STK31: variants seen among roughly 807,000 people sequenced by gnomAD.
STK31 encodes the protein serine/threonine kinase 31, also known as serine/threonine-protein kinase 31.
A neutral mutation model predicts 129.7 loss-of-function variants in STK31; 89 were observed. The ratio of observed to expected loss-of-function variants is 0.69; its 90% CI spans 0.58 to 0.82. STK31 has a LOEUF of 0.82. Ranked by LOEUF, STK31 falls within the 40% of genes least tolerant of loss-of-function variation. The pLI, the probability that STK31 is intolerant of heterozygous loss-of-function variation, is 0.00. For missense variants in STK31, 1,187 were observed against 1,176.4 expected, an observed-to-expected ratio of 1.01 and a Z score of -0.13; for synonymous variants, 448 against 395.3, an observed-to-expected ratio of 1.13 and a Z score of -1.58.
Position 23,815,130 on chromosome 7 carries a change from A to T in STK31, c.2761-14A>T, listed in dbSNP as rs776631414. The T allele has an allele frequency of 1.0e-5, 16 of 1,589,866 alleles. No homozygotes were observed. Among genetic ancestry groups the T allele is most frequent in the African/African-American group, 6.8e-5 (5 of 73,650 alleles). The stretch of plus-strand genomic sequence containing the variant: ...ATACATTGGACATTTATTCATTCTT[A>T]CTTTCTTTCACAGCTTTCTGTTCAA... On this transcript the variant is annotated splice_polypyrimidine_tract_variant and intron_variant, in intron 22 of 23. Coordinates refer to ENST00000355870, the MANE Select transcript of STK31 (RefSeq NM_031414.5).
chr7:23,740,175 C>G (rs1254591472), intron 8 of STK31, among the ~76,000 whole-genome samples: 2 of 152,132 alleles, frequency 1.3e-5, no homozygotes, highest in Non-Finnish European at 2.9e-5. Context: ...CTTCTGGGCT[C>G]AAGCAATCCT....
intron 3 of STK31, among the ~76,000 whole-genome samples, chr7:23,715,063 A>G (rs1010424971): frequency 2.6e-5 from 4 of 152,372 alleles, no homozygotes; most frequent in African/African-American, 9.6e-5. Context: ...TACTAATGGT[A>G]TATAAATGAA....
rs1183711756 is a variant in STK31, at chr7:23,783,744, A to T, written c.2148+81A>T. The T allele has an allele frequency of 2.7e-6, 3 of 1,120,186 alleles. No homozygotes were observed. In the Admixed American group the frequency reaches 7.1e-5, roughly 27 times the overall value. The allele number at this position is 1,120,186 out of a possible 1,614,324, so 69.4% of individuals were successfully genotyped here. A position where few individuals can be genotyped will look rare whatever the true frequency, so the allele number is the denominator to read the frequency against. ...AATATTAAATTTGTGTCAGTGTTAA[A>T]CTTATAGTATCTTTTAAATAAAAAT... On this transcript the variant is annotated intron_variant, in intron 17 of 23. Coordinates refer to ENST00000355870, the MANE Select transcript of STK31 (RefSeq NM_031414.5).
In STK31 at chr7:23,714,906, T is replaced by C. The variant is rs575806160; in HGVS notation, c.151-2575T>C. Among the ~76,000 whole-genome samples the C allele has an allele frequency of 5.9e-5, 9 of 152,154 alleles. No homozygotes were observed. The East Asian group carries it at 1.7e-3, about 29-fold the overall frequency. On this transcript the variant is annotated intron_variant, in intron 3 of 23. Transcript: ENST00000355870. Reference sequence around the variant, plus strand: ...CAGCCATAGACATAATGTGAATGAGTGTGTGTAGCTGTGATGCAGTAAACT... The same window carrying C: ...CAGCCATAGACATAATGTGAATGAGCGTGTGTAGCTGTGATGCAGTAAACT...
intron 3 of STK31, among the ~76,000 whole-genome samples, chr7:23,715,728 A>G (rs1355338022): frequency 6.6e-6 from 1 of 152,172 alleles, no homozygotes; most frequent in Non-Finnish European, 1.5e-5. Flanking sequence ...TTCCTGTTCT[A>G]TGCTGAGACT....
chr7:23,734,199 T>C (rs10272642), intron 6 of STK31, among the ~76,000 whole-genome samples: 76,921 of 152,008 alleles, frequency 0.51, 19,947 homozygotes, highest in Admixed American at 0.58. Context: ...TATTGTTTTT[T>C]GTATTTATAG....
chr7:23,717,305 C>T (rs1241504389), intron 3 of STK31, among the ~76,000 whole-genome samples, 176 bp from the exon 4 acceptor site: 2 of 151,334 alleles, frequency 1.3e-5, no homozygotes, highest in Non-Finnish European at 2.9e-5. Flanking sequence ...TTTCTATGGC[C>T]TAGTCTCATT....
chr7:23,763,252 G>C (rs1789586888), intron 11 of STK31, among the ~76,000 whole-genome samples: 1 of 152,126 alleles, frequency 6.6e-6, no homozygotes, highest in South Asian at 2.1e-4. Flanking sequence ...AGGACCACAT[G>C]TTACAGGGAG....
chr7:23,762,979 G>A (rs1423256979), intron 11 of STK31, 56 bp downstream of exon 11: 2 of 1,417,996 alleles, frequency 1.4e-6, no homozygotes, highest in African/African-American at 1.5e-5. Flanking sequence ...TTTAAGAAGT[G>A]AAATTAGCAT....
At chr7:23,736,643 G>T (rs1171719018) in intron 7 of STK31, among the ~76,000 whole-genome samples, 1 of 151,916 alleles carries the variant, frequency 6.6e-6, no homozygotes, top group African/African-American at 2.4e-5. Context: ...TTTTTACTTT[G>T]TTCTCTGTAG....
rs7779633 is a variant in STK31 at position 23,712,117 on chromosome 7, A to C, written c.69A>C (p.Gln23His). 1 of 1,604,806 alleles carries C rather than the reference A, an allele frequency of 6.2e-7. No homozygotes were observed. Residue 23 changes from glutamine to histidine, a missense_variant, in exon 2 of 24, where the codon CAA (glutamine) becomes CAC (histidine). This residue lies in a region of STK31 where 104 missense variants were observed against 98.3 expected (regional missense o/e 1.06). Coordinates refer to ENST00000355870, the MANE Select transcript of STK31 (RefSeq NM_031414.5). ...GTTCTAGTTTTTCAGGAATTGTTCA[A>C]ATGGATGAAGATACACATTACGATA... is the stretch of plus-strand genomic sequence containing the variant. ...TESVSFSGIVQMDEDTHYDKV... is the reference protein window; with the variant it reads ...TESVSFSGIVHMDEDTHYDKV...
chr7:23,797,874 T>C (rs1400687861), intron 22 of STK31, among the ~76,000 whole-genome samples: 6 of 151,470 alleles, frequency 4.0e-5, no homozygotes, highest in East Asian at 1.9e-4. Flanking sequence ...GCCAGACTAA[T>C]AAAGAAGAAT....
chr7:23,717,097 CTTTTT>C (rs70956911), intron 3 of STK31, among the ~76,000 whole-genome samples: 25 of 42,954 alleles, frequency 5.8e-4, no homozygotes, highest in East Asian at 2.1e-3. Flanking sequence ...TCGCAACCTG[CTTTTT>C]TTTTTTTTTT....
chr7:23,732,354 T>G (rs1159053030), intron 6 of STK31, among the ~76,000 whole-genome samples: 1 of 152,152 alleles, frequency 6.6e-6, no homozygotes, highest in Non-Finnish European at 1.5e-5. Flanking sequence ...CTCATAAGGG[T>G]TAGTGGAAAA....
Position 23,778,437 on chromosome 7 carries a change from A to G in STK31, c.1966-2982A>G, listed in dbSNP as rs577392028. Among the ~76,000 whole-genome samples, 4 of 152,320 alleles carry G rather than the reference A, an allele frequency of 2.6e-5. No individual in the cohort carries two copies. In the South Asian group the frequency reaches 6.2e-4, roughly 24 times the overall value. On this transcript the variant is annotated intron_variant, in intron 15 of 23. Transcript: ENST00000355870. The stretch of plus-strand genomic sequence containing the variant: ...ATAATATGCTTAAGTGTGTTTTCCA[A>G]CTTGGTTCCCTTTTCCCTGTCACTT...
intron 15 of STK31, among the ~76,000 whole-genome samples, chr7:23,777,129 G>A (rs973004596): frequency 6.6e-6 from 1 of 152,168 alleles, no homozygotes; most frequent in East Asian, 1.9e-4. Context: ...TAGTTGTGTG[G>A]TTTTCAGAGA....
chr7:23,735,770 C>T lies in STK31; in HGVS notation c.716C>T (p.Pro239Leu). 1 of 1,614,132 alleles carries T rather than the reference C, an allele frequency of 6.2e-7. No homozygotes were observed. Among genetic ancestry groups the T allele is most frequent in the Non-Finnish European group, 8.5e-7 (1 of 1,180,016 alleles). ...GQLVLRNLKS[P>L]IPLWGHRSNQ... ...CTTGTTCTCAGGAACCTCAAAAGCC[C>T]CATTCCTTTGTGGGGGCATAGATCA... Residue 239 changes from proline to leucine, a missense_variant, in exon 7 of 24, where the codon CCC becomes CTC. Physicochemically the swap from Pro to Leu is moderately conservative, Grantham distance 98. This residue lies in a region of STK31 where 975 missense variants were observed against 934.9 expected (regional missense o/e 1.04). Coordinates refer to ENST00000355870, the MANE Select transcript of STK31 (RefSeq NM_031414.5).
intron 23 of STK31, among the ~76,000 whole-genome samples, chr7:23,823,579 T>C (rs879288286): frequency 3.3e-5 from 5 of 152,236 alleles, no homozygotes; most frequent in Non-Finnish European, 5.9e-5. Context: ...TTTCTTTTGC[T>C]GTGCAGAAGC....
chr7:23,828,358 T>A (rs1044741557), intron 23 of STK31, among the ~76,000 whole-genome samples: 19 of 152,230 alleles, frequency 1.2e-4, no homozygotes, highest in African/African-American at 2.4e-4. Flanking sequence ...GTGCTAGCAA[T>A]GAGCGAGGCT....
Sources: gnomAD v4.1 joint callset for allele counts (sites outside exome capture counted in the v4.1 genomes callset) on GRCh38, gnomAD v4.1.1 for gene constraint, gnomAD v4.1.1 regional missense constraint, MANE v1.5 for transcripts, NCBI Gene and HGNC (gene_info 2026-07-23, HGNC 2026-07-21) for gene names.